MAST4: variants seen among roughly 807,000 people sequenced by gnomAD.
MAST4 encodes the protein microtubule-associated serine/threonine-protein kinase 4.
In MAST4, 89 loss-of-function variants were observed where a neutral mutation model predicts 162.7. The observed-to-expected ratio is 0.55, with a 90% CI of 0.46 to 0.65. MAST4 has a LOEUF of 0.65. Ranked by LOEUF, MAST4 falls within the 30% of genes least tolerant of loss-of-function variation. MAST4 has a pLI of 0.00. For missense variants in MAST4, 3,153 were observed against 3,374.0 expected (o/e 0.93, Z 1.62); for synonymous variants, 1,479 against 1,361.1 (o/e 1.09, Z -1.91).
chr5:67,118,763 T>C lies in MAST4; in HGVS notation c.1659+14T>C. 1.4e-6 allele frequency: 2 copies of C among 1,467,844 alleles called. No individual in the cohort carries two copies. The highest frequency in any genetic ancestry group is 1.9e-6 in the Non-Finnish European group (2 of 1,068,796). 90.9% of individuals were successfully genotyped at this position (1,467,844 alleles called of 1,614,324 possible). ...GAATCAGTGAGTGTAAGTATATTTC[T>C]TGATGAAATATGATGTTGGTTTTTC... On this transcript the variant is annotated intron_variant, in intron 13 of 28. Coordinates refer to ENST00000403625, the MANE Select transcript of MAST4 (RefSeq NM_001164664.2).
At chr5:66,685,294 AACAAAACAAAACCAC>A (rs1418388763) in intron 1 of MAST4, among the ~76,000 whole-genome samples, 1 of 119,656 alleles carries the variant, frequency 8.4e-6, no homozygotes, top group Non-Finnish European at 1.8e-5. Context: ...AACAAAACAA[AACAAAACAAAACCAC>A]ACACCCCAAA....
chr5:66,873,993 T>G (rs918752852), intron 3 of MAST4, among the ~76,000 whole-genome samples: 2 of 152,216 alleles, frequency 1.3e-5, no homozygotes, highest in Non-Finnish European at 2.9e-5. Flanking sequence ...GGCTTTTTTT[T>G]AGCCTGATTT....
intron 5 of MAST4, among the ~76,000 whole-genome samples, chr5:67,062,859 T>C (rs1296691128): frequency 6.6e-6 from 1 of 152,206 alleles, no homozygotes; most frequent in African/African-American, 2.4e-5. Flanking sequence ...TAAAACCTTA[T>C]CTTCAGTTTA....
chr5:66,672,736 C>G (rs1747685968), intron 1 of MAST4, among the ~76,000 whole-genome samples: 1 of 152,196 alleles, frequency 6.6e-6, no homozygotes. Flanking sequence ...AAGAGTGCTC[C>G]AGTGAACATT....
intron 1 of MAST4, among the ~76,000 whole-genome samples, chr5:66,708,210 T>A (rs1750264305): frequency 6.6e-6 from 1 of 152,162 alleles, no homozygotes; most frequent in Admixed American, 6.5e-5. Flanking sequence ...AGTGCGGGAC[T>A]TGGAGTTGGA....
intron 4 of MAST4, among the ~76,000 whole-genome samples, chr5:67,018,414 C>T (rs1753576601): frequency 6.6e-6 from 1 of 152,056 alleles, no homozygotes; most frequent in Non-Finnish European, 1.5e-5. Flanking sequence ...ACTCTGGAGA[C>T]TGAGGCAGGA....
chr5:67,027,788 T>C (rs2150415806), intron 4 of MAST4, among the ~76,000 whole-genome samples: 1 of 152,316 alleles, frequency 6.6e-6, no homozygotes, highest in African/African-American at 2.4e-5. Flanking sequence ...CTCTTTAGGA[T>C]AGGATCTGTT....
chr5:66,762,692 AC>A (rs1753908055), intron 2 of MAST4, among the ~76,000 whole-genome samples: 1 of 152,254 alleles, frequency 6.6e-6, no homozygotes. Context: ...AATAAGTCTT[AC>A]TGGTTTTTCC....
chr5:66,883,420 CTGTTTTTTT>C (rs1307235909), intron 3 of MAST4, among the ~76,000 whole-genome samples: 5 of 125,514 alleles, frequency 4.0e-5, no homozygotes, highest in Non-Finnish European at 8.2e-5. Context: ...TGTTCTGTCA[CTGTTTTTTT>C]TTTTTTTTTT....
chr5:66,712,417 G>T (rs1043462127), intron 1 of MAST4, among the ~76,000 whole-genome samples: 1 of 152,134 alleles, frequency 6.6e-6, no homozygotes, highest in Admixed American at 6.5e-5. Context: ...TAGATCCTTT[G>T]TATGTATTCC....
At chr5:66,768,187 G>A (rs1417754192) in intron 2 of MAST4, among the ~76,000 whole-genome samples, 1 of 152,222 alleles carries the variant, frequency 6.6e-6, no homozygotes, top group African/African-American at 2.4e-5. Context: ...AGTATGAGCT[G>A]GAAGGGTATG....
chr5:67,061,706 T>C (rs1333765495), intron 5 of MAST4, among the ~76,000 whole-genome samples: 1 of 151,730 alleles, frequency 6.6e-6, no homozygotes, highest in Non-Finnish European at 1.5e-5. Context: ...TTGCTTCCCC[T>C]CCCTCTTTCT....
chr5:66,654,739 T>A (rs1178919121), intron 1 of MAST4, among the ~76,000 whole-genome samples: 1 of 152,182 alleles, frequency 6.6e-6, no homozygotes, highest in Non-Finnish European at 1.5e-5. Flanking sequence ...GTTAAGATTG[T>A]TTTTAAGCAG....
chr5:66,972,629 C>T (rs1747582493), intron 4 of MAST4, among the ~76,000 whole-genome samples: 1 of 152,172 alleles, frequency 6.6e-6, no homozygotes, highest in African/African-American at 2.4e-5. Context: ...CTCTCCTATC[C>T]CACCTTAGTC....
intron 1 of MAST4, among the ~76,000 whole-genome samples, chr5:66,696,613 G>T (rs1023925846): frequency 6.6e-6 from 1 of 152,100 alleles, no homozygotes; most frequent in African/African-American, 2.4e-5. Flanking sequence ...CCCAACTTCA[G>T]CTGCACACAT....
intron 3 of MAST4, among the ~76,000 whole-genome samples, chr5:66,852,625 T>C (rs1233682155): frequency 6.6e-6 from 1 of 152,212 alleles, no homozygotes; most frequent in African/African-American, 2.4e-5. Context: ...GGGCTGGATT[T>C]TTGCACAACT....
intron 4 of MAST4, among the ~76,000 whole-genome samples, chr5:66,953,387 A>G (rs1744924828): frequency 6.6e-6 from 1 of 152,122 alleles, no homozygotes; most frequent in Admixed American, 6.6e-5. Context: ...CTTTACTCTT[A>G]TGTCAGCCTA....
chr5:67,042,534 T>C (rs1249065338), intron 4 of MAST4, among the ~76,000 whole-genome samples: 2 of 152,056 alleles, frequency 1.3e-5, no homozygotes, highest in Non-Finnish European at 2.9e-5. Flanking sequence ...TTTTTTTTTT[T>C]CCGCGCTTTT....
At chr5:66,965,495 A>G (rs889773939) in intron 4 of MAST4, among the ~76,000 whole-genome samples, 6 of 144,308 alleles carry the variant, frequency 4.2e-5, no homozygotes, top group African/African-American at 1.0e-4. Context: ...GGTTCTGAAG[A>G]GTGTTTTGGG....
Sources: gnomAD v4.1 joint callset for allele counts (sites outside exome capture counted in the v4.1 genomes callset) on GRCh38, gnomAD v4.1.1 for gene constraint, MANE v1.5 for transcripts, NCBI Gene and HGNC (gene_info 2026-07-23, HGNC 2026-07-21) for gene names.